The following KRT23 variants were observed in gnomAD, a reference collection of about 807,000 sequenced individuals.
The protein encoded by KRT23 is keratin 23, also known as keratin, type I cytoskeletal 23.
In KRT23, 38 loss-of-function variants were observed where a neutral mutation model predicts 47.6. The ratio of observed to expected loss-of-function variants is 0.80; its 90% CI spans 0.62 to 1.05. KRT23 has a LOEUF of 1.05. KRT23 is among the 50% of genes least tolerant of loss of function. The pLI is 0.00. For synonymous variants in KRT23, 191 were observed against 199.0 expected, an observed-to-expected ratio of 0.96 and a Z score of 0.34; for missense variants, 503 against 529.5, an observed-to-expected ratio of 0.95 and a Z score of 0.49.
intron 2 of KRT23, among the ~76,000 whole-genome samples, chr17:40,933,894 T>G (rs1036911578): frequency 1.3e-5 from 2 of 152,164 alleles, no homozygotes; most frequent in Non-Finnish European, 2.9e-5. Flanking sequence ...TAAAAGCAAG[T>G]TGGCATATTC....
At chr17:40,927,339 C>T (rs3785768) in intron 6 of KRT23, among the ~76,000 whole-genome samples, 19,722 of 152,142 alleles carry the variant, frequency 0.13, 1,354 homozygotes, top group East Asian at 0.2. Flanking sequence ...TTCACAGGGC[C>T]ATTGTGAAAT....
rs374873439 is a variant in KRT23 at position 40,928,365 on chromosome 17, G to T, written c.799-5C>A. ...CTCCTGGGACATGGCTGCAGACTGT[G>T]GGACCAAGCAAGGCAAAGGCGTCAG... On this transcript the variant is annotated splice_polypyrimidine_tract_variant and splice_region_variant and intron_variant, in intron 5 of 8. Coordinates refer to ENST00000209718, the MANE Select transcript of KRT23 (RefSeq NM_015515.5). 38 of 1,614,062 alleles carry T rather than the reference G, an allele frequency of 2.4e-5. No individual in the cohort carries two copies. Among genetic ancestry groups the T allele is most frequent in the Non-Finnish European group, 3.1e-5 (37 of 1,180,038 alleles).
At position 40,929,928 on chromosome 17, in the gene KRT23, G is replaced by T. The variant is rs1408852247; in HGVS notation, c.636+12C>A. ...GCTGTGCTTATTAGCAGGTGTTCCT[G>T]GGGAGTTGTACCTGCTCATGGTGCT... On this transcript the variant is annotated intron_variant, in intron 4 of 8. Coordinates refer to ENST00000209718, the MANE Select transcript of KRT23 (RefSeq NM_015515.5). 1.7e-5 allele frequency: 28 copies of T among 1,612,596 alleles called. No homozygotes were observed. The highest frequency in any genetic ancestry group is 2.4e-5 in the Non-Finnish European group (28 of 1,179,254).
At chr17:40,933,185 C>T (rs1329865737) in intron 2 of KRT23, among the ~76,000 whole-genome samples, 1 of 152,188 alleles carries the variant, frequency 6.6e-6, no homozygotes, top group Non-Finnish European at 1.5e-5. Context: ...TGCTGAGATG[C>T]CTGCTCAGAC....
intron 7 of KRT23, among the ~76,000 whole-genome samples, chr17:40,924,823 G>T (rs766999651): frequency 6.6e-6 from 1 of 152,030 alleles, no homozygotes; most frequent in Non-Finnish European, 1.5e-5. Flanking sequence ...AGCTTCTCAG[G>T]CTGTTCAAAG....
chr17:40,929,967 G>T lies in KRT23; in HGVS notation c.609C>A (p.Leu203=), dbSNP rs1433877617. 3 of 1,614,114 alleles carry T rather than the reference G, an allele frequency of 1.9e-6. No homozygotes were observed. Among genetic ancestry groups the T allele is most frequent in the Admixed American group, 1.7e-5 (1 of 60,022 alleles). The part of the protein sequence containing the change: ...EQEVEGMRKE[L]ILMKKHHEQE... ...GCTCATGGTGCTTCTTCATGAGAAT[G>T]AGCTCTTTCCTCATTCCTTCCACCT... Residue 203 remains leucine (L), a synonymous_variant, in exon 4 of 9, where the codon CTC becomes CTA. Coordinates refer to ENST00000209718, the MANE Select transcript of KRT23 (RefSeq NM_015515.5).
rs145030754 is a variant in KRT23, at chr17:40,929,259, A to T, written c.637-652T>A. Among the ~76,000 whole-genome samples the T allele has an allele frequency of 4.2e-3, 637 of 152,318 alleles. 4 individuals are homozygous for T. Among genetic ancestry groups the T allele is most frequent in the African/African-American group, 0.014 (600 of 41,566 alleles). On this transcript the variant is annotated intron_variant, in intron 4 of 8. Transcript: ENST00000209718. ...AAGCAGTTCAAGAGGCAAACAGCAG[A>T]AAGAAGGTGTAGAGGCTTTCAAAAT...
intron 7 of KRT23, 100 bp downstream of exon 7, chr17:40,925,254 G>T: frequency 1.0e-6 from 1 of 999,496 alleles, no homozygotes; most frequent in Non-Finnish European, 1.6e-6. Context: ...CTTTTCTCTT[G>T]CTAGAGTGAC....
At chr17:40,929,884 T>G in intron 4 of KRT23, 56 bp downstream of exon 4, 708 of 1,493,492 alleles carry the variant, frequency 4.7e-4, no homozygotes, top group Non-Finnish European at 5.9e-4. Context: ...CGAATCAGCC[T>G]GAGATGTGCA....
chr17:40,934,363 T>C (rs79380250), intron 2 of KRT23, among the ~76,000 whole-genome samples: 2,517 of 152,298 alleles, frequency 0.017, 72 homozygotes, highest in African/African-American at 0.057. Flanking sequence ...AGAAGTTTCC[T>C]ATTCAATCTC....
At chr17:40,936,133 G>A in intron 2 of KRT23, 75 bp downstream of exon 2, 1 of 1,513,958 alleles carries the variant, frequency 6.6e-7, no homozygotes, top group South Asian at 1.2e-5. Flanking sequence ...ATTGTCTTCT[G>A]GACTCATTTT....
At chr17:40,935,947 A>G (rs920077730) in intron 2 of KRT23, among the ~76,000 whole-genome samples, 9 of 152,200 alleles carry the variant, frequency 5.9e-5, no homozygotes, top group Admixed American at 5.9e-4. Flanking sequence ...TCATTTTTGA[A>G]ACAGTCTGTA....
chr17:40,927,532 A>C (rs779331598), intron 6 of KRT23, among the ~76,000 whole-genome samples: 1 of 152,178 alleles, frequency 6.6e-6, no homozygotes, highest in African/African-American at 2.4e-5. Context: ...GTAGAATCGC[A>C]CTTGGCAATT....
chr17:40,922,925 G>T lies in KRT23; in HGVS notation c.*64C>A. On this transcript the variant is annotated 3_prime_UTR_variant, in exon 9 of 9. Transcript: ENST00000209718. The stretch of plus-strand genomic sequence containing the variant: ...TATCTTTTAGAACTCACTCACTGGT[G>T]TCTGTGCAAGGACTTTCCTTGGGGG... 2.7e-6 allele frequency: 3 copies of T among 1,123,234 alleles called. No homozygotes were observed. The highest frequency in any genetic ancestry group is 4.1e-6 in the Non-Finnish European group (3 of 737,842). 69.6% of individuals were successfully genotyped at this position (1,123,234 alleles called of 1,614,324 possible). A position where few individuals can be genotyped will look rare whatever the true frequency, so the allele number is the denominator to read the frequency against.
chr17:40,925,269 G>C, intron 7 of KRT23, 85 bp downstream of exon 7: 1 of 1,160,520 alleles, frequency 8.6e-7, no homozygotes, highest in South Asian at 1.2e-5. Flanking sequence ...AGTGACTCTT[G>C]CTAACAGAAC....
chr17:40,930,462 A>T (rs1909580622), intron 3 of KRT23, among the ~76,000 whole-genome samples: 1 of 152,204 alleles, frequency 6.6e-6, no homozygotes. Flanking sequence ...TCTTTTAAGA[A>T]AAATATATTT....
In KRT23 at chr17:40,936,854, T is replaced by C; in HGVS notation, c.-251A>G. The stretch of plus-strand genomic sequence containing the variant: ...TCAATATGACAGTTTGCTTCCTCCC[T>C]TCCCCTGGTAACCCGGAGGTGTGGC... On this transcript the variant is annotated 5_prime_UTR_variant, in exon 2 of 9. Transcript: ENST00000209718. 2.6e-6 allele frequency: 1 copy of C among 387,722 alleles called. No homozygotes were observed. Among genetic ancestry groups the C allele is most frequent in the Non-Finnish European group, 4.6e-6 (1 of 219,772 alleles). 24.0% of individuals were successfully genotyped at this position (387,722 alleles called of 1,614,324 possible). A position where few individuals can be genotyped will look rare whatever the true frequency, so the allele number is the denominator to read the frequency against.
At chr17:40,925,326 G>A (rs778629529) in intron 7 of KRT23, 28 bp downstream of exon 7, 1 of 1,590,718 alleles carries the variant, frequency 6.3e-7, no homozygotes, top group Non-Finnish European at 8.6e-7. Context: ...TCCCTCGCAT[G>A]CTCCTCTCGT....
chr17:40,923,824 C>G (rs1018083685), intron 8 of KRT23, among the ~76,000 whole-genome samples: 3 of 152,202 alleles, frequency 2.0e-5, no homozygotes. Context: ...TTATCACAAA[C>G]TAATCAGAAA....
Sources: allele counts gnomAD v4.1 joint callset (sites outside exome capture counted in the v4.1 genomes callset), GRCh38; gene constraint gnomAD v4.1.1; transcripts MANE v1.5; gene names NCBI Gene and HGNC (gene_info 2026-07-23, HGNC 2026-07-21).